SDK1: variants seen among roughly 807,000 people sequenced by gnomAD.
SDK1 encodes protein sidekick-1.
Under a neutral mutation model 245.5 loss-of-function variants are expected in SDK1, and 157 were observed. The ratio of observed to expected loss-of-function variants is 0.64; its 90% CI spans 0.56 to 0.73. The LOEUF (loss-of-function observed/expected upper bound fraction) is 0.73, where lower values mean the gene tolerates loss of function less well. Ranked by LOEUF, SDK1 falls within the 30% of genes least tolerant of loss-of-function variation. The pLI is 0.00. For missense variants in SDK1, 3,583 were observed against 3,002.3 expected, an observed-to-expected ratio of 1.19 and a Z score of -4.52; for synonymous variants, 1,647 against 1,278.5, an observed-to-expected ratio of 1.29 and a Z score of -6.15.
chr7:3,848,568 C>T lies in SDK1; in HGVS notation c.847+26985C>T, dbSNP rs924889179. Among the ~76,000 whole-genome samples the T allele has an allele frequency of 3.3e-5, 5 of 152,094 alleles. No individual in the cohort carries two copies. The South Asian group carries it at 1.0e-3, about 31-fold the overall frequency. On this transcript the variant is annotated intron_variant, in intron 5 of 44. Transcript: ENST00000404826. ...TAGAAGTTGATTCCCTTAAAACTGC[C>T]TGTGTTTGAAAAGTTCATAGAGTAC...
At chr7:3,889,409 T>C (rs865786993) in intron 5 of SDK1, among the ~76,000 whole-genome samples, 3 of 151,818 alleles carry the variant, frequency 2.0e-5, no homozygotes, top group Admixed American at 1.3e-4. Flanking sequence ...AAAAAGAGGG[T>C]CGAGTTCCTT....
At chr7:3,624,406 C>G (rs1356809160) in intron 2 of SDK1, among the ~76,000 whole-genome samples, 1 of 152,082 alleles carries the variant, frequency 6.6e-6, no homozygotes, top group African/African-American at 2.4e-5. Context: ...ACTGTGTTGC[C>G]TAGGCTGGTC....
intron 19 of SDK1, among the ~76,000 whole-genome samples, chr7:4,061,217 A>G (rs1306654552): frequency 9.2e-5 from 14 of 151,906 alleles, no homozygotes; most frequent in African/African-American, 1.7e-4. Context: ...CATTGAATCT[A>G]TAAATTACCT....
At chr7:4,215,056 C>T (rs1175559526) in intron 38 of SDK1, among the ~76,000 whole-genome samples, 3 of 152,220 alleles carry the variant, frequency 2.0e-5, no homozygotes, top group African/African-American at 7.2e-5. Context: ...AGCAGAGCCT[C>T]GGGACCCTGG....
intron 1 of SDK1, among the ~76,000 whole-genome samples, chr7:3,588,501 G>T (rs1250135041): frequency 6.6e-6 from 1 of 152,158 alleles, no homozygotes; most frequent in Non-Finnish European, 1.5e-5. Context: ...CTTCTGTGAG[G>T]TGTGAGAGGA....
chr7:3,451,109 A>G (rs769383896), intron 1 of SDK1, among the ~76,000 whole-genome samples: 1 of 152,096 alleles, frequency 6.6e-6, no homozygotes, highest in African/African-American at 2.4e-5. Flanking sequence ...TGCTAAGTGG[A>G]TGATACAGTA....
intron 19 of SDK1, among the ~76,000 whole-genome samples, chr7:4,064,790 C>T (rs1562753959): frequency 6.6e-6 from 1 of 152,094 alleles, no homozygotes; most frequent in Non-Finnish European, 1.5e-5. Flanking sequence ...GGCATTACAT[C>T]AATGCCCTCA....
At chr7:3,641,452 A>G (rs1372884375) in intron 3 of SDK1, among the ~76,000 whole-genome samples, 1 of 152,094 alleles carries the variant, frequency 6.6e-6, no homozygotes, top group Non-Finnish European at 1.5e-5. Context: ...TAGTATATAG[A>G]CTCTTCAGTG....
intron 1 of SDK1, among the ~76,000 whole-genome samples, chr7:3,470,354 C>T (rs567022938): frequency 6.6e-6 from 1 of 152,064 alleles, no homozygotes; most frequent in Non-Finnish European, 1.5e-5. Context: ...AAGGTACTAC[C>T]CTGAAAACGT....
At position 4,110,767 on chromosome 7, in the gene SDK1, C is replaced by T; in HGVS notation, c.3429C>T (p.His1143=). Residue 1143 remains histidine (H), a synonymous_variant, in exon 23 of 45, where the codon CAC becomes CAT. Coordinates refer to ENST00000404826, the MANE Select transcript of SDK1 (RefSeq NM_152744.4). ...LEIPNLTPYT[H]YRFRMKQVNI... The stretch of plus-strand genomic sequence containing the variant: ...TCCCAAACCTCACACCCTACACTCA[C>T]TACAGGTGAGAACAGCAGTGATAAG... The T allele has an allele frequency of 1.9e-6, 3 of 1,607,572 alleles. No individual in the cohort carries two copies. Among genetic ancestry groups the T allele is most frequent in the Non-Finnish European group, 2.6e-6 (3 of 1,174,026 alleles).
At chr7:3,361,086 CA>C (rs1780938889) in intron 1 of SDK1, among the ~76,000 whole-genome samples, 1 of 152,092 alleles carries the variant, frequency 6.6e-6, no homozygotes, top group Non-Finnish European at 1.5e-5. Flanking sequence ...CCGTATTGAT[CA>C]AATCATCTTA....
At chr7:4,068,447 C>G (rs1180957807) in intron 20 of SDK1, among the ~76,000 whole-genome samples, 1 of 152,148 alleles carries the variant, frequency 6.6e-6, no homozygotes, top group Non-Finnish European at 1.5e-5. Flanking sequence ...GGCTTACGTG[C>G]CTGTGTCTCA....
At chr7:3,500,026 G>A (rs1404931302) in intron 1 of SDK1, among the ~76,000 whole-genome samples, 1 of 152,190 alleles carries the variant, frequency 6.6e-6, no homozygotes, top group Non-Finnish European at 1.5e-5. Flanking sequence ...AGGACAAGTA[G>A]CCATAGGAGT....
intron 22 of SDK1, among the ~76,000 whole-genome samples, chr7:4,083,751 CTTCCTGTCTCCCTCCCTCCCTTCT>C (rs1226519405): frequency 7.9e-3 from 2 of 254 alleles, no homozygotes; most frequent in South Asian, 0.05. Flanking sequence ...CCTTCCTTTA[CTTCCTGTCTCCCTCCCTCCCTTCT>C]TTCCTCCCTC....
chr7:3,609,961 A>G (rs1036812345), intron 1 of SDK1, among the ~76,000 whole-genome samples: 7 of 152,256 alleles, frequency 4.6e-5, no homozygotes, highest in Admixed American at 3.3e-4. Context: ...TCAGCCTCCC[A>G]AAGTGCTGGG....
chr7:4,077,348 C>T (rs1373265813), intron 21 of SDK1, among the ~76,000 whole-genome samples, 159 bp downstream of exon 21: 3 of 152,186 alleles, frequency 2.0e-5, no homozygotes, highest in African/African-American at 7.2e-5. Flanking sequence ...GTGTTGACCC[C>T]ACTTCAGCCC....
intron 4 of SDK1, among the ~76,000 whole-genome samples, chr7:3,811,266 C>A (rs989464331): frequency 6.6e-6 from 1 of 152,152 alleles, no homozygotes; most frequent in East Asian, 1.9e-4. Context: ...GGGGCCAGAT[C>A]CAGTTCCACT....
chr7:3,389,401 A>C (rs1781689455), intron 1 of SDK1, among the ~76,000 whole-genome samples: 1 of 152,190 alleles, frequency 6.6e-6, no homozygotes. Flanking sequence ...AGAGCAAAGC[A>C]GAGTCAGAGA....
intron 4 of SDK1, among the ~76,000 whole-genome samples, chr7:3,802,023 TA>T (rs769550699): frequency 1.3e-5 from 2 of 152,242 alleles, no homozygotes; most frequent in African/African-American, 2.4e-5. Context: ...TTTTACTTTT[TA>T]ACTTTTTACT....
Sources: allele counts gnomAD v4.1 joint callset (sites outside exome capture counted in the v4.1 genomes callset), GRCh38; gene constraint gnomAD v4.1.1; transcripts MANE v1.5; gene names NCBI Gene and HGNC (gene_info 2026-07-23, HGNC 2026-07-21).